The following CCDC85A variants were observed in gnomAD, a reference collection of about 807,000 sequenced individuals.
The protein encoded by CCDC85A is coiled-coil domain-containing protein 85A.
A neutral mutation model predicts 50.2 loss-of-function variants in CCDC85A; 38 were observed. That is an observed-to-expected ratio of 0.76 (90% CI 0.58 to 0.99). The LOEUF (loss-of-function observed/expected upper bound fraction) is 0.99, where lower values mean the gene tolerates loss of function less well. Among genes scored for constraint, CCDC85A ranks in the 50% least tolerant of loss-of-function variants. CCDC85A has a pLI of 0.00. For synonymous variants in CCDC85A, 366 were observed against 301.4 expected, an observed-to-expected ratio of 1.21 and a Z score of -2.22; for missense variants, 820 against 742.0, an observed-to-expected ratio of 1.11 and a Z score of -1.22.
chr2:56,347,038 A>C (rs1473870672), intron 3 of CCDC85A, among the ~76,000 whole-genome samples: 1 of 152,248 alleles, frequency 6.6e-6, no homozygotes, highest in Non-Finnish European at 1.5e-5. Context: ...GTAAGTAGAC[A>C]TTTGTAAATA....
chr2:56,338,519 A>C (rs570891307), intron 2 of CCDC85A, among the ~76,000 whole-genome samples: 1 of 151,842 alleles, frequency 6.6e-6, no homozygotes, highest in African/African-American at 2.4e-5. Flanking sequence ...GTTTCTATCA[A>C]TTTTTCCTAA....
At chr2:56,263,993 T>C (rs887450422) in intron 2 of CCDC85A, among the ~76,000 whole-genome samples, 2 of 152,160 alleles carry the variant, frequency 1.3e-5, no homozygotes, top group Non-Finnish European at 2.9e-5. Flanking sequence ...ACACTAATGA[T>C]AGCTGATGAG....
chr2:56,313,482 G>T (rs1314412243), intron 2 of CCDC85A, among the ~76,000 whole-genome samples: 2 of 152,042 alleles, frequency 1.3e-5, no homozygotes, highest in African/African-American at 4.8e-5. Context: ...CAGTATTTTT[G>T]ATTTTAGGCC....
intron 2 of CCDC85A, among the ~76,000 whole-genome samples, chr2:56,292,274 G>A (rs1449893596): frequency 2.0e-5 from 3 of 152,050 alleles, no homozygotes; most frequent in African/African-American, 2.4e-5. Context: ...TAGTAGAGAC[G>A]GGGTTTCACC....
intron 2 of CCDC85A, among the ~76,000 whole-genome samples, chr2:56,256,456 C>T (rs1042718447): frequency 6.6e-6 from 1 of 152,172 alleles, no homozygotes; most frequent in Non-Finnish European, 1.5e-5. Flanking sequence ...CATTTTAAAA[C>T]CTGTCAGTCT....
chr2:56,288,655 T>C (rs1192080397), intron 2 of CCDC85A, among the ~76,000 whole-genome samples: 2 of 152,058 alleles, frequency 1.3e-5, no homozygotes, highest in Admixed American at 1.3e-4. Flanking sequence ...GAAATGCATT[T>C]CATCTCCTGG....
chr2:56,192,740 C>A lies in CCDC85A; in HGVS notation c.540C>A (p.Cys180Ter). ...TAGATGAGGAGAAGGGTGCAGGCTG[C>A]GCAGGCAGCCGCTGCTCCATCGACA... ...VLLDEEKGAG[C>*]AGSRCSIDSQ... The change falls in exon 2 of 6, where the codon TGC (cysteine) becomes TGA (stop). Residue 180 changes from cysteine (C) to a stop codon, truncating the protein, a stop_gained. Coordinates refer to ENST00000407595, the MANE Select transcript of CCDC85A (RefSeq NM_001080433.2). LOFTEE classifies it high-confidence loss of function. This position sits in a 1 kb window ranked among gnomAD's most constrained non-coding sequence, Gnocchi z 4.7. 1 of 1,613,034 alleles carries A rather than the reference C, an allele frequency of 6.2e-7. No individual in the cohort carries two copies. Among genetic ancestry groups the A allele is most frequent in the South Asian group, 1.1e-5 (1 of 91,058 alleles).
intron 2 of CCDC85A, among the ~76,000 whole-genome samples, chr2:56,235,666 A>C (rs1668977482): frequency 6.6e-6 from 1 of 152,324 alleles, no homozygotes; most frequent in East Asian, 1.9e-4. Flanking sequence ...AAAATGGGCC[A>C]CCTAGCAGAG....
At chr2:56,268,527 G>A (rs1405863988) in intron 2 of CCDC85A, among the ~76,000 whole-genome samples, 4 of 150,804 alleles carry the variant, frequency 2.7e-5, no homozygotes, top group South Asian at 2.1e-4. Context: ...CCTGGGAGGC[G>A]GAGGTTGCAG....
chr2:56,188,432 C>T (rs1676144727), intron 1 of CCDC85A, among the ~76,000 whole-genome samples: 1 of 152,198 alleles, frequency 6.6e-6, no homozygotes, highest in African/African-American at 2.4e-5. Flanking sequence ...AAGGCATTAG[C>T]TCCGTGAAGC....
chr2:56,196,969 G>A (rs1676550522), intron 2 of CCDC85A, among the ~76,000 whole-genome samples: 1 of 151,766 alleles, frequency 6.6e-6, no homozygotes, highest in Admixed American at 6.6e-5. Flanking sequence ...TCAGTGAGCA[G>A]TAACATTGTG....
intron 2 of CCDC85A, among the ~76,000 whole-genome samples, chr2:56,300,820 G>A (rs1470277493): frequency 1.3e-5 from 2 of 152,188 alleles, no homozygotes; most frequent in East Asian, 1.9e-4. Flanking sequence ...TGGGAACAGT[G>A]CTTTTACTGA....
At chr2:56,354,444 G>A (rs545793439) in intron 3 of CCDC85A, among the ~76,000 whole-genome samples, 42 of 152,276 alleles carry the variant, frequency 2.8e-4, no homozygotes, top group African/African-American at 9.1e-4. Flanking sequence ...GGAAGAAAAC[G>A]TTTTTTCAAA....
intron 2 of CCDC85A, among the ~76,000 whole-genome samples, chr2:56,322,671 T>C (rs558020591): frequency 3.9e-5 from 6 of 152,164 alleles, no homozygotes; most frequent in African/African-American, 9.6e-5. Flanking sequence ...TGTGGAGAAA[T>C]AGGAACACTT....
chr2:56,194,409 A>G (rs1676446911), intron 2 of CCDC85A, among the ~76,000 whole-genome samples: 2 of 152,224 alleles, frequency 1.3e-5, no homozygotes, highest in Admixed American at 1.3e-4. Context: ...CCTATGGTTG[A>G]GTTGGATCTA....
intron 2 of CCDC85A, among the ~76,000 whole-genome samples, chr2:56,292,319 G>A (rs1466634323): frequency 1.3e-5 from 2 of 152,060 alleles, no homozygotes; most frequent in African/African-American, 4.8e-5. Context: ...TCCTGACCTC[G>A]TGATCCACCC....
chr2:56,338,466 G>A (rs1488423421), intron 2 of CCDC85A, among the ~76,000 whole-genome samples: 3 of 152,094 alleles, frequency 2.0e-5, no homozygotes, highest in Non-Finnish European at 2.9e-5. Context: ...ATGTGTTCCA[G>A]TACCCAAAAG....
chr2:56,282,223 CAT>C (rs1279331539), intron 2 of CCDC85A, among the ~76,000 whole-genome samples: 1 of 151,970 alleles, frequency 6.6e-6, no homozygotes, highest in Non-Finnish European at 1.5e-5. Context: ...ATCAATTGGC[CAT>C]ATATGTGTGG....
chr2:56,223,565 C>A (rs1000611743), intron 2 of CCDC85A, among the ~76,000 whole-genome samples: 2 of 152,124 alleles, frequency 1.3e-5, no homozygotes, highest in Non-Finnish European at 2.9e-5. Flanking sequence ...ATGTTTGATA[C>A]AATAATCACC....
Sources: allele counts gnomAD v4.1 joint callset (sites outside exome capture counted in the v4.1 genomes callset), GRCh38; gene constraint gnomAD v4.1.1; non-coding constraint Gnocchi (gnomAD v3.1); transcripts MANE v1.5; gene names NCBI Gene and HGNC (gene_info 2026-07-23, HGNC 2026-07-21).